The following C1QC variants were observed in gnomAD, a reference collection of about 807,000 sequenced individuals.
The protein encoded by C1QC is complement C1q C chain, also known as complement C1q subcomponent subunit C.
In C1QC, 4 loss-of-function variants were observed where a neutral mutation model predicts 5.9. The ratio of observed to expected loss-of-function variants is 0.68; its 90% CI spans 0.33 to 1.55. The LOEUF (loss-of-function observed/expected upper bound fraction) is 1.55. C1QC is among the 40% of genes most tolerant of loss of function. The probability of loss-of-function intolerance (pLI) is 0.06; values close to 1 mark genes in which losing one functional copy is unlikely to be tolerated. For missense variants in C1QC, 299 were observed against 326.9 expected, an observed-to-expected ratio of 0.91 and a Z score of 0.66; for synonymous variants, 166 against 153.8, an observed-to-expected ratio of 1.08 and a Z score of -0.59.
chr1:22,643,802 C>A, intron 1 of C1QC, 88 bp downstream of exon 1: 1 of 1,342,582 alleles, frequency 7.4e-7, no homozygotes, highest in South Asian at 2.1e-5. Flanking sequence ...CCAGGGGCAG[C>A]TTGGTGTGTG....
Position 22,647,751 on chromosome 1 carries a change from G to A in C1QC, c.706G>A (p.Val236Ile), listed in dbSNP as rs774542072. 53 of 1,600,052 alleles carry A rather than the reference G, an allele frequency of 3.3e-5. No individual in the cohort carries two copies. Among genetic ancestry groups the A allele is most frequent in the East Asian group, 8.9e-5 (4 of 44,876 alleles). Residue 236 changes from valine to isoleucine, a missense_variant, in exon 3 of 3, where the codon GTC becomes ATC. Transcript: ENST00000374640. ...GGTGGGCATCCAGGGCTCTGACAGC[G>A]TCTTCTCCGGCTTCCTGCTCTTCCC... ...DMVGIQGSDS[V>I]FSGFLLFPD
chr1:22,645,090 C>T (rs549733373), intron 2 of C1QC, among the ~76,000 whole-genome samples: 10 of 152,106 alleles, frequency 6.6e-5, no homozygotes, highest in African/African-American at 2.2e-4. Context: ...GTGACAGAGG[C>T]AGTGGAAAGG....
Position 22,644,018 on chromosome 1 carries a change from T to C in C1QC, c.-6T>C. 1 of 1,592,868 alleles carries C rather than the reference T, an allele frequency of 6.3e-7. No individual in the cohort carries two copies. Among genetic ancestry groups the C allele is most frequent in the Non-Finnish European group, 8.5e-7 (1 of 1,171,634 alleles). On this transcript the variant is annotated 5_prime_UTR_variant, in exon 2 of 3. Transcript: ENST00000374640. ...CAGCTCTCTCCCTCCCAGTTCCTTC[T>C]CCGGGATGGACGTGGGGCCCAGCTC...
At chr1:22,646,893 G>A (rs1226470809) in intron 2 of C1QC, among the ~76,000 whole-genome samples, 1 of 152,206 alleles carries the variant, frequency 6.6e-6, no homozygotes, top group East Asian at 1.9e-4. Context: ...CCATCTGTCC[G>A]TGGGCTGACA....
chr1:22,647,925 C>T lies in C1QC; in HGVS notation c.*142C>T. ...TTCTCCTCCAGGGAGCCCACCCTGA[C>T]CCACCCCCACTGCACCCCCTCCCCA... On this transcript the variant is annotated 3_prime_UTR_variant, in exon 3 of 3. Coordinates refer to ENST00000374640, the MANE Select transcript of C1QC (RefSeq NM_172369.5). 2 of 1,086,378 alleles carry T rather than the reference C, an allele frequency of 1.8e-6. No individual in the cohort carries two copies. The highest frequency in any genetic ancestry group is 2.6e-6 in the Non-Finnish European group (2 of 761,850). The allele number at this position is 1,086,378 out of a possible 1,614,324, so 67.3% of individuals were successfully genotyped here.
Position 22,647,807 on chromosome 1 carries a change from C to T in C1QC, c.*24C>T. Reference sequence around the variant, plus strand: ...AGGGCGGGCAGATGCGCTCGAGCCCCACGGGCCTTCCACCTCCCTCAGCTT... The same window carrying T: ...AGGGCGGGCAGATGCGCTCGAGCCCTACGGGCCTTCCACCTCCCTCAGCTT... On this transcript the variant is annotated 3_prime_UTR_variant, in exon 3 of 3. Transcript: ENST00000374640. 1.3e-6 allele frequency: 2 copies of T among 1,598,714 alleles called. No individual in the cohort carries two copies. Among genetic ancestry groups the T allele is most frequent in the Non-Finnish European group, 8.5e-7 (1 of 1,179,900 alleles).
rs2148297808 is a variant in C1QC, at chr1:22,647,873, C to G, written c.*90C>G. ...CTTACTGGCCAGTCTGCATCCTTGC[C>G]TAGACCATTCTCCCCACCAGATGGA... On this transcript the variant is annotated 3_prime_UTR_variant, in exon 3 of 3. Transcript: ENST00000374640. The G allele has an allele frequency of 2.6e-6, 4 of 1,538,334 alleles. No individual in the cohort carries two copies. The highest frequency in any genetic ancestry group is 4.6e-5 in the East Asian group (2 of 43,374).
Position 22,647,223 on chromosome 1 carries a change from C to G in C1QC, c.182-4C>G. On this transcript the variant is annotated splice_region_variant and splice_polypyrimidine_tract_variant and intron_variant, in intron 2 of 2. Transcript: ENST00000374640. Reference sequence around the variant, plus strand: ...CACTTTCTCTCTGCCTTCTCCATCTCCAGGAATCCCAGCCATTCCCGGGAT... The same window carrying G: ...CACTTTCTCTCTGCCTTCTCCATCTGCAGGAATCCCAGCCATTCCCGGGAT... 6.2e-7 allele frequency: 1 copy of G among 1,603,164 alleles called. No individual in the cohort carries two copies. Among genetic ancestry groups the G allele is most frequent in the Non-Finnish European group, 8.5e-7 (1 of 1,179,868 alleles).
Position 22,647,221 on chromosome 1 carries a change from C to CT in C1QC, c.182-5dup. On this transcript the variant is annotated splice_polypyrimidine_tract_variant and splice_region_variant and intron_variant, in intron 2 of 2. Transcript: ENST00000374640. ...ATCACTTTCTCTCTGCCTTCTCCAT[C>CT]TCCAGGAATCCCAGCCATTCCCGGG... 3 of 1,602,818 alleles carry CT rather than the reference C, an allele frequency of 1.9e-6. No homozygotes were observed. The highest frequency in any genetic ancestry group is 1.7e-6 in the Non-Finnish European group (2 of 1,179,856).
intron 2 of C1QC, among the ~76,000 whole-genome samples, chr1:22,645,098 A>G (rs1557604813): frequency 6.6e-6 from 1 of 152,192 alleles, no homozygotes; most frequent in East Asian, 1.9e-4. Flanking sequence ...GGCAGTGGAA[A>G]GGAGGGAGGC....
Position 22,647,356 on chromosome 1 carries a change from T to A in C1QC, c.311T>A (p.Ile104Asn). 6.2e-7 allele frequency: 1 copy of A among 1,614,024 alleles called. No homozygotes were observed. The highest frequency in any genetic ancestry group is 1.3e-5 in the African/African-American group (1 of 75,014). Residue 104 changes from isoleucine (I) to asparagine (N), a missense_variant, in exon 3 of 3, where the codon ATC (isoleucine) becomes AAC (asparagine). Physicochemically the swap from Ile to Asn is moderately radical, Grantham distance 149. Transcript: ENST00000374640. ...CCAGGGGTGCCCGGCCCCATGGGCA[T>A]CCCTGGAGAGCCAGGTGAGGAGGGC... is the stretch of plus-strand genomic sequence containing the variant. ...GMPGVPGPMG[I>N]PGEPGEEGRY... is the part of the protein sequence containing the mutation.
At position 22,643,665 on chromosome 1, in the gene C1QC, A is replaced by C; in HGVS notation, c.-63A>C. On this transcript the variant is annotated 5_prime_UTR_variant, in exon 1 of 3. Coordinates refer to ENST00000374640, the MANE Select transcript of C1QC (RefSeq NM_172369.5). ...GTGTCCTCTTGCCTGGGAGAGGGGAAGCAGATCTGAGGACATCTCTGTGCC... is the reference window on the plus strand; with the variant it reads ...GTGTCCTCTTGCCTGGGAGAGGGGACGCAGATCTGAGGACATCTCTGTGCC... The C allele has an allele frequency of 1.9e-6, 2 of 1,074,472 alleles. No individual in the cohort carries two copies. Among genetic ancestry groups the C allele is most frequent in the Non-Finnish European group, 2.3e-6 (2 of 887,246 alleles). The allele number at this position is 1,074,472 out of a possible 1,614,324, so 66.6% of individuals were successfully genotyped here. A position where few individuals can be genotyped will look rare whatever the true frequency, so the allele number is the denominator to read the frequency against.
In C1QC at chr1:22,647,568, A is replaced by G. The variant is rs2148297434; in HGVS notation, c.523A>G (p.Thr175Ala). 1 of 1,614,216 alleles carries G rather than the reference A, an allele frequency of 6.2e-7. No homozygotes were observed. The highest frequency in any genetic ancestry group is 1.1e-5 in the South Asian group (1 of 91,084). ...LYYFVYHASH[T>A]ANLCVLLYRS... ...CTACTTTGTCTACCACGCGTCGCAT[A>G]CAGCCAACCTGTGCGTGCTGCTGTA... is the stretch of plus-strand genomic sequence containing the variant. The change falls in exon 3 of 3, where the codon ACA becomes GCA. Residue 175 changes from threonine to alanine, a missense_variant. Coordinates refer to ENST00000374640, the MANE Select transcript of C1QC (RefSeq NM_172369.5).
rs1642325173 is a variant in C1QC at position 22,644,125 on chromosome 1, G to C, written c.102G>C (p.Gly34=). The part of the protein sequence containing the change: ...LRGQANTGCY[G]IPGMPGLPGA... ...GCCAAGCCAACACAGGCTGCTACGGGATCCCAGGGATGCCCGGCCTGCCCG... is the reference window on the plus strand; with the variant it reads ...GCCAAGCCAACACAGGCTGCTACGGCATCCCAGGGATGCCCGGCCTGCCCG... Residue 34 remains glycine, a synonymous_variant, in exon 2 of 3, where the codon GGG becomes GGC. Coordinates refer to ENST00000374640, the MANE Select transcript of C1QC (RefSeq NM_172369.5). The C allele has an allele frequency of 6.3e-7, 1 of 1,583,856 alleles. No homozygotes were observed. The highest frequency in any genetic ancestry group is 8.6e-7 in the Non-Finnish European group (1 of 1,165,976).
intron 2 of C1QC, among the ~76,000 whole-genome samples, chr1:22,645,020 G>A (rs906981971): frequency 1.6e-4 from 24 of 152,208 alleles, no homozygotes; most frequent in African/African-American, 4.3e-4. Context: ...AGCTGGGCAC[G>A]TCTCAGATGC....
At chr1:22,643,860 A>C in intron 1 of C1QC, 146 bp downstream of exon 1, 1 of 1,372,304 alleles carries the variant, frequency 7.3e-7, no homozygotes, top group Non-Finnish European at 9.5e-7. Context: ...GCCTGGGCTG[A>C]AGAAAAGGCC....
In C1QC at chr1:22,647,591, G is replaced by C. The variant is rs755640714; in HGVS notation, c.546G>C (p.Leu182=). The part of the protein sequence containing the change: ...ASHTANLCVL[L]YRSGVKVVTF... Reference sequence around the variant, plus strand: ...ATACAGCCAACCTGTGCGTGCTGCTGTACCGCAGCGGCGTCAAAGTGGTCA... The same window carrying C: ...ATACAGCCAACCTGTGCGTGCTGCTCTACCGCAGCGGCGTCAAAGTGGTCA... Residue 182 remains leucine, a synonymous_variant, in exon 3 of 3, where the codon CTG becomes CTC. Coordinates refer to ENST00000374640, the MANE Select transcript of C1QC (RefSeq NM_172369.5). 2 of 1,614,226 alleles carry C rather than the reference G, an allele frequency of 1.2e-6. No individual in the cohort carries two copies. Among genetic ancestry groups the C allele is most frequent in the Non-Finnish European group, 8.5e-7 (1 of 1,180,048 alleles).
In C1QC at chr1:22,647,625, G is replaced by T; in HGVS notation, c.580G>T (p.Gly194Cys). ...CGGCGTCAAAGTGGTCACCTTCTGT[G>T]GCCACACGTCCAAAACCAATCAGGT... ...RSGVKVVTFC[G>C]HTSKTNQVNS... is the part of the protein sequence containing the mutation. The change falls in exon 3 of 3, where the codon GGC becomes TGC. Residue 194 changes from glycine to cysteine, a missense_variant. This residue lies in a region of C1QC where 144 missense variants were observed against 155.1 expected (regional missense o/e 0.93). Transcript: ENST00000374640. The T allele has an allele frequency of 6.2e-7, 1 of 1,614,114 alleles. No individual in the cohort carries two copies. The highest frequency in any genetic ancestry group is 8.5e-7 in the Non-Finnish European group (1 of 1,180,036).
At position 22,644,155 on chromosome 1, in the gene C1QC, A is replaced by C; in HGVS notation, c.132A>C (p.Ala44=). 6.3e-7 allele frequency: 1 copy of C among 1,587,320 alleles called. No individual in the cohort carries two copies. The highest frequency in any genetic ancestry group is 1.2e-5 in the South Asian group (1 of 86,528). Residue 44 remains alanine (A), a synonymous_variant, in exon 2 of 3, where the codon GCA becomes GCC. Coordinates refer to ENST00000374640, the MANE Select transcript of C1QC (RefSeq NM_172369.5). ...CAGGGATGCCCGGCCTGCCCGGGGC[A>C]CCAGGGAAGGATGGGTACGACGGAC... The part of the protein sequence containing the change: ...GIPGMPGLPG[A]PGKDGYDGLP...
Sources: allele counts gnomAD v4.1 joint callset (sites outside exome capture counted in the v4.1 genomes callset), GRCh38; gene constraint gnomAD v4.1.1; regional missense constraint gnomAD v4.1.1; transcripts MANE v1.5; gene names NCBI Gene and HGNC (gene_info 2026-07-23, HGNC 2026-07-21).